The following KCNQ3 variants were observed in gnomAD, a reference collection of about 807,000 sequenced individuals.
KCNQ3 encodes the protein potassium voltage-gated channel subfamily KQT member 3.
A neutral mutation model predicts 92.5 loss-of-function variants in KCNQ3; 30 were observed. The observed-to-expected ratio is 0.32, with a 90% confidence interval of 0.24 to 0.44. The LOEUF (loss-of-function observed/expected upper bound fraction) is 0.44. KCNQ3 is among the 20% of genes least tolerant of loss of function. The pLI is 1.00. For missense variants in KCNQ3, 913 were observed against 1,140.3 expected, an observed-to-expected ratio of 0.80 and a Z score of 2.87; for synonymous variants, 450 against 468.8, an observed-to-expected ratio of 0.96 and a Z score of 0.52.
chr8:132,367,572 T>C (rs112882599), intron 1 of KCNQ3, among the ~76,000 whole-genome samples: 5 of 152,324 alleles, frequency 3.3e-5, no homozygotes, highest in South Asian at 2.1e-4. Context: ...GCTTTTTCAA[T>C]ACAAAACAGT....
chr8:132,130,079 T>A, intron 14 of KCNQ3, 83 bp from the exon 15 acceptor site: 1 of 1,372,360 alleles, frequency 7.3e-7, no homozygotes, highest in Non-Finnish European at 9.8e-7. Context: ...ATATTCTTTT[T>A]TTTTGTTTTT....
chr8:132,172,534 C>T, intron 7 of KCNQ3, 64 bp downstream of exon 7: 6 of 1,401,902 alleles, frequency 4.3e-6, no homozygotes, highest in Non-Finnish European at 6.1e-6. Context: ...CATACACACA[C>T]ACACACGTAT....
chr8:132,195,451 C>A (rs370036328), intron 1 of KCNQ3, among the ~76,000 whole-genome samples: 4 of 152,202 alleles, frequency 2.6e-5, no homozygotes, highest in Admixed American at 6.5e-5. Flanking sequence ...CCTTAGGGGG[C>A]CTTCAGTGCT....
Position 132,241,022 on chromosome 8 carries a change from G to A in KCNQ3, c.387-54841C>T, listed in dbSNP as rs529924426. On this transcript the variant is annotated intron_variant, in intron 1 of 14. Coordinates refer to ENST00000388996, the MANE Select transcript of KCNQ3 (RefSeq NM_004519.4). The stretch of plus-strand genomic sequence containing the variant: ...TCCTGCCTCAGCCTCCTGGGTAGCT[G>A]GGATTACAGGCACACGCCACCATGC... Among the ~76,000 whole-genome samples the A allele has an allele frequency of 4.2e-4, 63 of 151,712 alleles. No individual in the cohort carries two copies. In the South Asian group the frequency reaches 5.9e-3, roughly 14 times the overall value.
chr8:132,361,761 C>T (rs1819179537), intron 1 of KCNQ3, among the ~76,000 whole-genome samples: 1 of 152,076 alleles, frequency 6.6e-6, no homozygotes, highest in Admixed American at 6.5e-5. Context: ...AAAGAATACA[C>T]CAGTAACTGT....
intron 1 of KCNQ3, among the ~76,000 whole-genome samples, chr8:132,432,302 T>C (rs1290100323): frequency 6.7e-6 from 1 of 149,140 alleles, no homozygotes; most frequent in African/African-American, 2.5e-5. Context: ...TCTCCAGTGG[T>C]AGAGATATGA....
chr8:132,187,361 T>C (rs932878574), intron 1 of KCNQ3: 2 of 425,266 alleles, frequency 4.7e-6, no homozygotes, highest in Admixed American at 2.5e-5. Context: ...AGGACCATGA[T>C]GTAAGGCGGA....
intron 1 of KCNQ3, among the ~76,000 whole-genome samples, chr8:132,283,290 T>C (rs1178519773): frequency 6.6e-6 from 1 of 152,136 alleles, no homozygotes; most frequent in Non-Finnish European, 1.5e-5. Flanking sequence ...CTCCAGCATA[T>C]AGTCCAGTAT....
intron 12 of KCNQ3, 83 bp from the exon 13 acceptor site, chr8:132,134,471 A>G: frequency 1.0e-6 from 1 of 967,936 alleles, no homozygotes; most frequent in Non-Finnish European, 1.6e-6. Flanking sequence ...TCTCTCTAGA[A>G]TGAGATAAGG....
At chr8:132,269,609 A>G (rs1423584726) in intron 1 of KCNQ3, among the ~76,000 whole-genome samples, 2 of 151,512 alleles carry the variant, frequency 1.3e-5, no homozygotes, top group Non-Finnish European at 2.9e-5. Flanking sequence ...ACTCATGAGC[A>G]TTGAAACAAC....
intron 1 of KCNQ3, among the ~76,000 whole-genome samples, chr8:132,332,175 T>C (rs1435204738): frequency 6.6e-6 from 1 of 152,198 alleles, no homozygotes; most frequent in African/African-American, 2.4e-5. Flanking sequence ...AGCCATGCCA[T>C]GAGGCAGCCC....
chr8:132,348,035 C>T (rs961626193), intron 1 of KCNQ3, among the ~76,000 whole-genome samples: 2 of 150,022 alleles, frequency 1.3e-5, no homozygotes, highest in South Asian at 2.1e-4. Context: ...GGGGAGCAGA[C>T]CTTGAGGATG....
chr8:132,194,221 T>C (rs147131914), intron 1 of KCNQ3, among the ~76,000 whole-genome samples: 16 of 152,320 alleles, frequency 1.1e-4, no homozygotes, highest in African/African-American at 3.6e-4. Flanking sequence ...AGACAGGCAT[T>C]GTTACGTCAT....
chr8:132,132,301 T>C (rs1289393286), intron 13 of KCNQ3, 37 bp from the exon 14 acceptor site: 1 of 1,538,380 alleles, frequency 6.5e-7, no homozygotes, highest in Admixed American at 1.7e-5. Context: ...GATCATTATA[T>C]CTATTTTTGC....
intron 1 of KCNQ3, among the ~76,000 whole-genome samples, chr8:132,476,856 A>G (rs1361200665): frequency 6.6e-6 from 1 of 152,118 alleles, no homozygotes; most frequent in Admixed American, 6.5e-5. Flanking sequence ...GGGCAGAATG[A>G]TATGTTTTCG....
At chr8:132,336,269 T>G (rs768629509) in intron 1 of KCNQ3, among the ~76,000 whole-genome samples, 4 of 152,108 alleles carry the variant, frequency 2.6e-5, no homozygotes, top group Non-Finnish European at 5.9e-5. Flanking sequence ...CAGCTGTGCC[T>G]CCACCTCCAC....
intron 9 of KCNQ3, among the ~76,000 whole-genome samples, chr8:132,145,791 G>A (rs1465145209): frequency 6.6e-6 from 1 of 152,234 alleles, no homozygotes; most frequent in Non-Finnish European, 1.5e-5. Context: ...GGCATCTTGA[G>A]TAAATGGGAA....
intron 1 of KCNQ3, among the ~76,000 whole-genome samples, chr8:132,375,262 A>G (rs1819576901): frequency 6.6e-6 from 1 of 152,232 alleles, no homozygotes; most frequent in Non-Finnish European, 1.5e-5. Context: ...TAAACTTATT[A>G]CCTGTTTGCA....
intron 1 of KCNQ3, among the ~76,000 whole-genome samples, chr8:132,267,008 C>T (rs530102330): frequency 6.6e-6 from 1 of 152,212 alleles, no homozygotes; most frequent in African/African-American, 2.4e-5. Context: ...CTAAAGAAAA[C>T]ATTTTCTCCA....
Sources: allele counts gnomAD v4.1 joint callset (sites outside exome capture counted in the v4.1 genomes callset), GRCh38; gene constraint gnomAD v4.1.1; transcripts MANE v1.5; gene names NCBI Gene and HGNC (gene_info 2026-07-23, HGNC 2026-07-21).